KCTD8: variants seen among roughly 807,000 people sequenced by gnomAD.
The protein encoded by KCTD8 is BTB/POZ domain-containing protein KCTD8.
A neutral mutation model predicts 31.5 loss-of-function variants in KCTD8; 27 were observed. The ratio of observed to expected loss-of-function variants is 0.86; its 90% CI spans 0.63 to 1.18. The LOEUF is 1.18. Ranked by LOEUF, KCTD8 falls within the 50% of genes most tolerant of loss-of-function variation. The pLI is 0.00. For missense variants in KCTD8, 658 were observed against 647.7 expected (o/e 1.02, Z -0.17); for synonymous variants, 290 against 280.0 (o/e 1.04, Z -0.36).
chr4:44,336,167 A>AG (rs1718738955), intron 1 of KCTD8, among the ~76,000 whole-genome samples: 1 of 148,950 alleles, frequency 6.7e-6, no homozygotes, highest in Non-Finnish European at 1.5e-5. Flanking sequence ...AAAAAAAAAA[A>AG]AAAAAAAAAG....
chr4:44,311,548 G>A (rs1450287650), intron 1 of KCTD8, among the ~76,000 whole-genome samples: 2 of 151,994 alleles, frequency 1.3e-5, no homozygotes, highest in East Asian at 1.9e-4. Flanking sequence ...TTACTGCAAT[G>A]TAAGAATACT....
intron 1 of KCTD8, among the ~76,000 whole-genome samples, chr4:44,285,787 T>G (rs1450125467): frequency 6.6e-6 from 1 of 152,142 alleles, no homozygotes; most frequent in Non-Finnish European, 1.5e-5. Context: ...TAAGAAATAC[T>G]TTTCATAAGA....
At chr4:44,356,817 T>C (rs953837640) in intron 1 of KCTD8, among the ~76,000 whole-genome samples, 1 of 152,146 alleles carries the variant, frequency 6.6e-6, no homozygotes, top group Non-Finnish European at 1.5e-5. Flanking sequence ...ACAATTTATG[T>C]CATCCAAATT....
chr4:44,432,606 C>G (rs12498651), intron 1 of KCTD8, among the ~76,000 whole-genome samples: 2 of 151,216 alleles, frequency 1.3e-5, no homozygotes, highest in African/African-American at 4.8e-5. Flanking sequence ...GAAGAAGCAA[C>G]TGGTTGCATT....
At chr4:44,196,645 C>G (rs1388347228) in intron 1 of KCTD8, among the ~76,000 whole-genome samples, 6 of 152,156 alleles carry the variant, frequency 3.9e-5, no homozygotes, top group African/African-American at 1.4e-4. Flanking sequence ...TGGGCAGCCA[C>G]CCACCTGGGA....
chr4:44,430,849 T>A (rs912922850), intron 1 of KCTD8, among the ~76,000 whole-genome samples: 4 of 151,508 alleles, frequency 2.6e-5, no homozygotes, highest in Admixed American at 2.0e-4. Flanking sequence ...CACCTTTTAC[T>A]CCACCTCCCC....
intron 1 of KCTD8, among the ~76,000 whole-genome samples, chr4:44,338,606 C>T (rs908874174): frequency 9.2e-5 from 14 of 152,080 alleles, no homozygotes; most frequent in Admixed American, 7.2e-4. Context: ...TGGATGTGTG[C>T]GTGAGTGATA....
intron 1 of KCTD8, among the ~76,000 whole-genome samples, chr4:44,239,493 G>C (rs945414086): frequency 1.3e-5 from 2 of 152,176 alleles, no homozygotes; most frequent in African/African-American, 4.8e-5. Flanking sequence ...CCAAAGAAAA[G>C]AGTAAGCATC....
rs78867199 is a variant in KCTD8 at position 44,280,946 on chromosome 4, T to C, written c.962-105696A>G. ...AGCTAGAGGTAGCTTAGAGGAGAGA[T>C]ACATATTCTTTGATGTCTATAAGAC... On this transcript the variant is annotated intron_variant, in intron 1 of 1. Transcript: ENST00000360029. Among the ~76,000 whole-genome samples the C allele has an allele frequency of 4.1e-4, 63 of 152,164 alleles. No homozygotes were observed. In the East Asian group the frequency reaches 0.012, roughly 29 times the overall value.
intron 1 of KCTD8, among the ~76,000 whole-genome samples, chr4:44,211,960 C>A (rs1291350975): frequency 6.6e-6 from 1 of 151,958 alleles, no homozygotes; most frequent in East Asian, 1.9e-4. Context: ...CAGTTTTCCT[C>A]TTTTTTACCT....
intron 1 of KCTD8, among the ~76,000 whole-genome samples, chr4:44,217,540 T>C (rs1219451605): frequency 6.6e-6 from 1 of 152,174 alleles, no homozygotes; most frequent in Non-Finnish European, 1.5e-5. Context: ...TGAAGTATTG[T>C]TTCCGGGTGT....
chr4:44,248,452 CAA>C (rs545805566), intron 1 of KCTD8, among the ~76,000 whole-genome samples: 1 of 139,716 alleles, frequency 7.2e-6, no homozygotes. Context: ...CCTACCCAAC[CAA>C]AAAAAAAAAG....
intron 1 of KCTD8, among the ~76,000 whole-genome samples, chr4:44,276,207 A>G (rs1256139596): frequency 1.3e-5 from 2 of 152,018 alleles, no homozygotes; most frequent in Non-Finnish European, 2.9e-5. Context: ...ATTATTCTAA[A>G]CAATTTCCAT....
At position 44,325,827 on chromosome 4, in the gene KCTD8, G is replaced by T. The variant is rs149280101; in HGVS notation, c.961+121736C>A. Among the ~76,000 whole-genome samples the T allele has an allele frequency of 1.6e-3, 246 of 151,918 alleles. 3 individuals carry two copies. Among genetic ancestry groups the T allele is most frequent in the African/African-American group, 5.8e-3 (239 of 41,366 alleles). ...ATCCCTATCTCCTTAATTCACAGGG[G>T]ATATAATCGAGCTAGTGTTATTAGG... On this transcript the variant is annotated intron_variant, in intron 1 of 1. Transcript: ENST00000360029.
At chr4:44,177,109 G>A (rs996400523) in intron 1 of KCTD8, among the ~76,000 whole-genome samples, 3 of 152,134 alleles carry the variant, frequency 2.0e-5, no homozygotes, top group Non-Finnish European at 4.4e-5. Context: ...TTGGGGTAGG[G>A]TGGAGAAAAT....
intron 1 of KCTD8, among the ~76,000 whole-genome samples, chr4:44,384,986 CA>C (rs140984459): frequency 0.061 from 8,803 of 144,764 alleles, 850 homozygotes; most frequent in African/African-American, 0.21. Context: ...GAATATAGAC[CA>C]AAAAAAAAGA....
At chr4:44,275,951 G>C (rs1160760716) in intron 1 of KCTD8, among the ~76,000 whole-genome samples, 7 of 152,004 alleles carry the variant, frequency 4.6e-5, no homozygotes, top group Non-Finnish European at 7.4e-5. Flanking sequence ...CAAATATTTA[G>C]TAAAGGTCTG....
At chr4:44,378,839 AG>A (rs1719987354) in intron 1 of KCTD8, among the ~76,000 whole-genome samples, 1 of 152,124 alleles carries the variant, frequency 6.6e-6, no homozygotes, top group African/African-American at 2.4e-5. Flanking sequence ...ATAGTTCTGG[AG>A]GTCAGAAGTC....
rs141407421 is a variant in KCTD8 at position 44,448,139 on chromosome 4, G to T, written c.385C>A (p.Arg129=). Residue 129 remains arginine (R), a synonymous_variant, in exon 1 of 2, where the codon CGG becomes AGG. Transcript: ENST00000360029. The surrounding 1 kb of genome is among the most constrained non-coding windows in gnomAD (Gnocchi z 4.1). The stretch of plus-strand genomic sequence containing the variant: ...AAATACTCGGCCTCGCGCAGCAGCC[G>T]CTCCTTCTCGGGGAAGTGCTCCGGC... ...ALPEHFPEKE[R]LLREAEYFQL... is the part of the protein sequence containing the mutation. 8.1e-6 allele frequency: 13 copies of T among 1,612,530 alleles called. No homozygotes were observed. In the African/African-American group the frequency reaches 9.3e-5, roughly 12 times the overall value.
Sources: allele counts gnomAD v4.1 joint callset (sites outside exome capture counted in the v4.1 genomes callset), GRCh38; gene constraint gnomAD v4.1.1; non-coding constraint Gnocchi (gnomAD v3.1); transcripts MANE v1.5; gene names NCBI Gene and HGNC (gene_info 2026-07-23, HGNC 2026-07-21).